The following H3-4 variants were observed in gnomAD, a reference collection of about 807,000 sequenced individuals.
H3-4 encodes the protein H3.4 histone, cluster member.
H3-4 carries 6 observed loss-of-function variants against 3.8 expected under a neutral mutation model. That is an observed-to-expected ratio of 1.59 (90% confidence interval 0.87 to 3.13). The LOEUF is 3.13. Among genes scored for constraint, H3-4 ranks in the 30% most tolerant of loss-of-function variants. H3-4 has a pLI of 0.00. For missense variants in H3-4, 298 were observed against 202.4 expected (o/e 1.47, Z -2.87); for synonymous variants, 138 against 86.5 (o/e 1.60, Z -3.30).
Position 228,425,005 on chromosome 1 carries a change from G to A in H3-4, c.321C>T (p.Asp107=), listed in dbSNP as rs140401726. The A allele has an allele frequency of 6.2e-7, 1 of 1,614,242 alleles. No homozygotes were observed. Residue 107 remains aspartate (D), a synonymous_variant, in exon 1 of 1, where the codon GAC becomes GAT. Coordinates refer to ENST00000366696, the MANE Select transcript of H3-4 (RefSeq NM_003493.3). ...CESYLVGLFE[D]TNLCVIHAKR... ...TGGCATGGATGACACACAGGTTGGT[G>A]TCCTCAAACAGCCCCACCAGGTAAG...
In H3-4 at chr1:228,425,004, T is replaced by G; in HGVS notation, c.322A>C (p.Thr108Pro). The change falls in exon 1 of 1, where the codon ACC becomes CCC. Residue 108 changes from threonine to proline, a missense_variant. By Grantham distance (38) the Thr-to-Pro change is conservative (BLOSUM62 -1). Coordinates refer to ENST00000366696, the MANE Select transcript of H3-4 (RefSeq NM_003493.3). ...TTGGCATGGATGACACACAGGTTGGTGTCCTCAAACAGCCCCACCAGGTAA... is the reference window on the plus strand; with the variant it reads ...TTGGCATGGATGACACACAGGTTGGGGTCCTCAAACAGCCCCACCAGGTAA... The part of the protein sequence containing the change: ...ESYLVGLFED[T>P]NLCVIHAKRV... The G allele has an allele frequency of 1.2e-6, 2 of 1,614,204 alleles. No homozygotes were observed. The highest frequency in any genetic ancestry group is 2.2e-5 in the South Asian group (2 of 91,088).
chr1:228,425,013 A>G lies in H3-4; in HGVS notation c.313T>C (p.Phe105Leu). The G allele has an allele frequency of 6.2e-7, 1 of 1,614,242 alleles. No individual in the cohort carries two copies. Among genetic ancestry groups the G allele is most frequent in the Non-Finnish European group, 8.5e-7 (1 of 1,180,038 alleles). ...EACESYLVGL[F>L]EDTNLCVIHA... ...ATGACACACAGGTTGGTGTCCTCAA[A>G]CAGCCCCACCAGGTAAGACTCGCAC... The change falls in exon 1 of 1, where the codon TTT (phenylalanine) becomes CTT (leucine). Residue 105 changes from phenylalanine (F) to leucine (L), a missense_variant. Physicochemically the swap from Phe to Leu is conservative, Grantham distance 22. Transcript: ENST00000366696.
Position 228,425,038 on chromosome 1 carries a change from C to T in H3-4, c.288G>A (p.Ala96=), listed in dbSNP as rs1001607156. The stretch of plus-strand genomic sequence containing the variant: ...ACAGCCCCACCAGGTAAGACTCGCA[C>T]GCCTCCTGCAGCGCCATCACGGCCG... ...QSSAVMALQE[A]CESYLVGLFE... The change falls in exon 1 of 1, where the codon GCG becomes GCA. Residue 96 remains alanine (A), a synonymous_variant. Transcript: ENST00000366696. 22 of 1,614,280 alleles carry T rather than the reference C, an allele frequency of 1.4e-5. No homozygotes were observed. Among genetic ancestry groups the T allele is most frequent in the Non-Finnish European group, 1.8e-5 (21 of 1,180,042 alleles).
chr1:228,425,156 T>C lies in H3-4; in HGVS notation c.170A>G (p.Lys57Arg), dbSNP rs910118851. The C allele has an allele frequency of 1.9e-6, 3 of 1,613,912 alleles. No homozygotes were observed. Among genetic ancestry groups the C allele is most frequent in the South Asian group, 1.1e-5 (1 of 91,068 alleles). The change falls in exon 1 of 1, where the codon AAG becomes AGG. Residue 57 changes from lysine (K) to arginine (R), a missense_variant. By Grantham distance (26) the Lys-to-Arg change is conservative. Transcript: ENST00000366696. ...CTTGCGGATTAGCAGCTCAGTGGACTTCTGGTAGCGGCGGATCTCGCGAAG... is the reference window on the plus strand; with the variant it reads ...CTTGCGGATTAGCAGCTCAGTGGACCTCTGGTAGCGGCGGATCTCGCGAAG... The part of the protein sequence containing the change: ...VALREIRRYQ[K>R]STELLIRKLP...
rs1472681159 is a variant in H3-4 at position 228,425,275 on chromosome 1, C to T, written c.51G>A (p.Pro17=). ...CCACCTTGGTGGCCAGCTGCTTGCG[C>T]GGCGCCTTGCCACCCGTTGACTTGC... ...TARKSTGGKA[P]RKQLATKVAR... is the part of the protein sequence containing the mutation. Residue 17 remains proline (P), a synonymous_variant, in exon 1 of 1, where the codon CCG becomes CCA. Transcript: ENST00000366696. The T allele has an allele frequency of 8.1e-6, 13 of 1,613,780 alleles. No individual in the cohort carries two copies. Among genetic ancestry groups the T allele is most frequent in the Middle Eastern group, 1.7e-4 (1 of 6,060 alleles).
In H3-4 at chr1:228,425,327, A is replaced by T. The variant is rs373640649; in HGVS notation, c.-2T>A. The T allele has an allele frequency of 6.8e-6, 11 of 1,613,832 alleles. No individual in the cohort carries two copies. The highest frequency in any genetic ancestry group is 2.2e-5 in the East Asian group (1 of 44,856). On this transcript the variant is annotated 5_prime_UTR_variant, in exon 1 of 1. Transcript: ENST00000366696. ...CGCAGTCTGCTTGGTTCGGGCCATG[A>T]ATCCGAAACTGTTGGCCCCGCGGTG...
chr1:228,424,918 G>A lies in H3-4; in HGVS notation c.408C>T (p.Ala136=), dbSNP rs1657413480. 6.2e-7 allele frequency: 1 copy of A among 1,614,078 alleles called. No homozygotes were observed. The highest frequency in any genetic ancestry group is 8.5e-7 in the Non-Finnish European group (1 of 1,179,976). Residue 136 remains alanine, a synonymous_variant, in exon 1 of 1, where the codon GCC becomes GCT. Transcript: ENST00000366696. ...QLARRIRGER[A] ...CTCAGGTGGCGAGATAGCCCTCCTAGGCCCGCTCCCCGCGGATACGGCGTG... is the reference window on the plus strand; with the variant it reads ...CTCAGGTGGCGAGATAGCCCTCCTAAGCCCGCTCCCCGCGGATACGGCGTG...
chr1:228,425,337 T>A lies in H3-4; in HGVS notation c.-12A>T. ...TTGGTTCGGGCCATGAATCCGAAAC[T>A]GTTGGCCCCGCGGTGTCCTCTGCCC... On this transcript the variant is annotated 5_prime_UTR_variant, in exon 1 of 1. Coordinates refer to ENST00000366696, the MANE Select transcript of H3-4 (RefSeq NM_003493.3). 1 of 1,613,800 alleles carries A rather than the reference T, an allele frequency of 6.2e-7. No individual in the cohort carries two copies. The highest frequency in any genetic ancestry group is 2.2e-5 in the East Asian group (1 of 44,846).
In H3-4 at chr1:228,425,310, G is replaced by A. The variant is rs1657447624; in HGVS notation, c.16C>T (p.Gln6Ter). The part of the protein sequence containing the change: MARTK[Q>*]TARKSTGGKA... ...CCACCCGTTGACTTGCGCGCAGTCT[G>A]CTTGGTTCGGGCCATGAATCCGAAA... is the stretch of plus-strand genomic sequence containing the variant. The change falls in exon 1 of 1, where the codon CAG becomes TAG. Residue 6 changes from glutamine (Q) to a stop codon, truncating the protein, a stop_gained. Coordinates refer to ENST00000366696, the MANE Select transcript of H3-4 (RefSeq NM_003493.3). LOFTEE classifies it low-confidence loss of function (END_TRUNC). 2 of 1,613,912 alleles carry A rather than the reference G, an allele frequency of 1.2e-6. No homozygotes were observed. Among genetic ancestry groups the A allele is most frequent in the Non-Finnish European group, 1.7e-6 (2 of 1,179,826 alleles).
In H3-4 at chr1:228,425,254, C is replaced by G. The variant is rs1657442689; in HGVS notation, c.72G>C (p.Lys24Asn). The G allele has an allele frequency of 2.5e-6, 4 of 1,613,634 alleles. No individual in the cohort carries two copies. Among genetic ancestry groups the G allele is most frequent in the South Asian group, 2.2e-5 (2 of 91,056 alleles). ...TGGCAGGTGCGCTCTTGCGAGCCAC[C>G]TTGGTGGCCAGCTGCTTGCGCGGCG... is the stretch of plus-strand genomic sequence containing the variant. ...GKAPRKQLAT[K>N]VARKSAPATG... The change falls in exon 1 of 1, where the codon AAG (lysine) becomes AAC (asparagine). Residue 24 changes from lysine to asparagine, a missense_variant. Coordinates refer to ENST00000366696, the MANE Select transcript of H3-4 (RefSeq NM_003493.3).
Position 228,424,989 on chromosome 1 carries a change from T to A in H3-4, c.337A>T (p.Ile113Phe), listed in dbSNP as rs374791602. The A allele has an allele frequency of 6.2e-7, 1 of 1,614,238 alleles. No homozygotes were observed. The highest frequency in any genetic ancestry group is 2.2e-5 in the East Asian group (1 of 44,872). ...GLFEDTNLCV[I>F]HAKRVTIMPK... ...ATGATGGTGACCCGTTTGGCATGGATGACACACAGGTTGGTGTCCTCAAAC... is the reference window on the plus strand; with the variant it reads ...ATGATGGTGACCCGTTTGGCATGGAAGACACACAGGTTGGTGTCCTCAAAC... Residue 113 changes from isoleucine to phenylalanine, a missense_variant, in exon 1 of 1, where the codon ATC becomes TTC. Coordinates refer to ENST00000366696, the MANE Select transcript of H3-4 (RefSeq NM_003493.3).
In H3-4 at chr1:228,425,043, CCT is replaced by C; in HGVS notation, c.281_282del (p.Gln94ArgfsTer12). The C allele has an allele frequency of 6.2e-7, 1 of 1,614,282 alleles. No homozygotes were observed. The highest frequency in any genetic ancestry group is 8.5e-7 in the Non-Finnish European group (1 of 1,180,042). ...RFQSSAVMALQEACESYLVGL... is the reference protein window; with the variant it reads ...RFQSSAVMALXEACESYLVGL... ...CCCACCAGGTAAGACTCGCACGCCTCCTGCAGCGCCATCACGGCCGAGCTCTG... is the reference window on the plus strand; with the variant it reads ...CCCACCAGGTAAGACTCGCACGCCTCGCAGCGCCATCACGGCCGAGCTCTG... On this transcript the variant is annotated frameshift_variant, in exon 1 of 1. Transcript: ENST00000366696. LOFTEE classifies it high-confidence loss of function.
At position 228,425,315 on chromosome 1, in the gene H3-4, G is replaced by T. The variant is rs374675557; in HGVS notation, c.11C>A (p.Thr4Asn). 1.2e-6 allele frequency: 2 copies of T among 1,613,894 alleles called. No homozygotes were observed. The highest frequency in any genetic ancestry group is 1.1e-5 in the South Asian group (1 of 91,084). ...CGTTGACTTGCGCGCAGTCTGCTTG[G>T]TTCGGGCCATGAATCCGAAACTGTT... Reference protein sequence around the residue: MARTKQTARKSTGG... With the variant: MARNKQTARKSTGG... Residue 4 changes from threonine (T) to asparagine (N), a missense_variant, in exon 1 of 1, where the codon ACC becomes AAC. Physicochemically the swap from Thr to Asn is moderately conservative, Grantham distance 65. Transcript: ENST00000366696.
chr1:228,425,075 C>T lies in H3-4; in HGVS notation c.251G>A (p.Arg84His). ...CGCCATCACGGCCGAGCTCTGGAAG[C>T]GCAGGTCGGTCTTAAAGTCCTGAGC... ...EIAQDFKTDLRFQSSAVMALQ... is the reference protein window; with the variant it reads ...EIAQDFKTDLHFQSSAVMALQ... The change falls in exon 1 of 1, where the codon CGC (arginine) becomes CAC (histidine). Residue 84 changes from arginine to histidine, a missense_variant. Physicochemically the swap from Arg to His is conservative, Grantham distance 29. Transcript: ENST00000366696. 6.2e-7 allele frequency: 1 copy of T among 1,614,268 alleles called. No individual in the cohort carries two copies.
rs368511457 is a variant in H3-4 at position 228,424,977 on chromosome 1, G to A, written c.349C>T (p.Arg117Trp). Residue 117 changes from arginine to tryptophan, a missense_variant, in exon 1 of 1, where the codon CGG becomes TGG. Transcript: ENST00000366696. ...ATGTCCTTAGGCATGATGGTGACCC[G>A]TTTGGCATGGATGACACACAGGTTG... ...DTNLCVIHAK[R>W]VTIMPKDIQL... The A allele has an allele frequency of 2.0e-5, 33 of 1,614,074 alleles. No individual in the cohort carries two copies. The highest frequency in any genetic ancestry group is 2.4e-5 in the Non-Finnish European group (28 of 1,180,046).
At position 228,425,042 on chromosome 1, in the gene H3-4, T is replaced by G; in HGVS notation, c.284A>C (p.Glu95Ala). The stretch of plus-strand genomic sequence containing the variant: ...CCCCACCAGGTAAGACTCGCACGCC[T>G]CCTGCAGCGCCATCACGGCCGAGCT... ...FQSSAVMALQ[E>A]ACESYLVGLF... Residue 95 changes from glutamate to alanine, a missense_variant, in exon 1 of 1, where the codon GAG (glutamate) becomes GCG (alanine). Coordinates refer to ENST00000366696, the MANE Select transcript of H3-4 (RefSeq NM_003493.3). 6.2e-7 allele frequency: 1 copy of G among 1,614,248 alleles called. No individual in the cohort carries two copies. The highest frequency in any genetic ancestry group is 1.1e-5 in the South Asian group (1 of 91,090).
Position 228,425,168 on chromosome 1 carries a change from CG to C in H3-4, c.157del (p.Arg53AlafsTer10), listed in dbSNP as rs1558465264. ...RPGTVALREI[R>X]RYQKSTELLI... ...CAGCTCAGTGGACTTCTGGTAGCGGCGGATCTCGCGAAGCGCCACCGTGCCG... is the reference window on the plus strand; with the variant it reads ...CAGCTCAGTGGACTTCTGGTAGCGGCGATCTCGCGAAGCGCCACCGTGCCG... On this transcript the variant is annotated frameshift_variant, in exon 1 of 1. Transcript: ENST00000366696. LOFTEE classifies it high-confidence loss of function. The C allele has an allele frequency of 1.9e-6, 3 of 1,613,876 alleles. No individual in the cohort carries two copies. The highest frequency in any genetic ancestry group is 1.3e-5 in the African/African-American group (1 of 75,062).
Position 228,424,869 on chromosome 1 carries a change from T to A in H3-4, c.*46A>T, listed in dbSNP as rs779716010. ...CAGGTGGGTGGCTCTTAAAAGAGCC[T>A]TTGGGGTGAACGTTGCGCAACCTCT... On this transcript the variant is annotated 3_prime_UTR_variant, in exon 1 of 1. Coordinates refer to ENST00000366696, the MANE Select transcript of H3-4 (RefSeq NM_003493.3). 1.2e-6 allele frequency: 2 copies of A among 1,612,778 alleles called. No individual in the cohort carries two copies. The highest frequency in any genetic ancestry group is 2.2e-5 in the South Asian group (2 of 91,054).
At position 228,425,058 on chromosome 1, in the gene H3-4, C is replaced by T. The variant is rs2149125464; in HGVS notation, c.268G>A (p.Val90Met). 1.2e-6 allele frequency: 2 copies of T among 1,614,280 alleles called. No homozygotes were observed. The highest frequency in any genetic ancestry group is 1.3e-5 in the African/African-American group (1 of 75,080). The change falls in exon 1 of 1, where the codon GTG becomes ATG. Residue 90 changes from valine to methionine, a missense_variant. Coordinates refer to ENST00000366696, the MANE Select transcript of H3-4 (RefSeq NM_003493.3). ...KTDLRFQSSA[V>M]MALQEACESY... is the part of the protein sequence containing the mutation. ...TCGCACGCCTCCTGCAGCGCCATCACGGCCGAGCTCTGGAAGCGCAGGTCG... is the reference window on the plus strand; with the variant it reads ...TCGCACGCCTCCTGCAGCGCCATCATGGCCGAGCTCTGGAAGCGCAGGTCG...
Sources: allele counts gnomAD v4.1 joint callset, GRCh38; gene constraint gnomAD v4.1.1; transcripts MANE v1.5; gene names NCBI Gene and HGNC (gene_info 2026-07-23, HGNC 2026-07-21).